The following SLC4A4 variants were observed in gnomAD, a reference collection of about 807,000 sequenced individuals.
SLC4A4 encodes electrogenic sodium bicarbonate cotransporter 1.
A neutral mutation model predicts 111.5 loss-of-function variants in SLC4A4; 27 were observed. The ratio of observed to expected loss-of-function variants is 0.24; its 90% CI spans 0.18 to 0.33. The LOEUF (loss-of-function observed/expected upper bound fraction) is 0.33. Among genes scored for constraint, SLC4A4 ranks in the 10% least tolerant of loss-of-function variants. SLC4A4 has a pLI of 1.00. For synonymous variants in SLC4A4, 443 were observed against 463.4 expected (o/e 0.96, Z 0.57); for missense variants, 909 against 1,315.5 (o/e 0.69, Z 4.78).
intron 3 of SLC4A4, among the ~76,000 whole-genome samples, chr4:71,332,602 G>A (rs960779885): frequency 1.3e-5 from 2 of 151,956 alleles, no homozygotes; most frequent in African/African-American, 2.4e-5. Context: ...CCGCCACTGC[G>A]CCCGGCTAAT....
intron 12 of SLC4A4, among the ~76,000 whole-genome samples, chr4:71,465,523 T>C (rs1186932873): frequency 1.3e-5 from 2 of 150,424 alleles, no homozygotes; most frequent in African/African-American, 4.9e-5. Flanking sequence ...ATTATTTTAA[T>C]GGCAAAAACC....
At chr4:71,460,651 G>C (rs1726734973) in intron 12 of SLC4A4, among the ~76,000 whole-genome samples, 1 of 151,986 alleles carries the variant, frequency 6.6e-6, no homozygotes, top group Non-Finnish European at 1.5e-5. Context: ...GCTACACAGG[G>C]GAAATAAAAA....
intron 2 of SLC4A4, among the ~76,000 whole-genome samples, chr4:71,239,591 A>C (rs373030725): frequency 7.9e-5 from 12 of 152,168 alleles, no homozygotes; most frequent in South Asian, 6.2e-4. Flanking sequence ...AAAACCATCA[A>C]CTGCAAAACT....
Position 71,546,384 on chromosome 4 carries a change from T to A in SLC4A4, c.2477T>A (p.Val826Glu). 1 of 1,612,900 alleles carries A rather than the reference T, an allele frequency of 6.2e-7. No homozygotes were observed. The highest frequency in any genetic ancestry group is 8.5e-7 in the Non-Finnish European group (1 of 1,179,134). The change falls in exon 19 of 26, where the codon GTG (valine) becomes GAG (glutamate). Residue 826 changes from valine (V) to glutamate (E), a missense_variant. Around this residue, in one of 7 missense-constraint regions of SLC4A4, gnomAD observed 264 missense variants for 356.8 expected, o/e 0.74. Coordinates refer to ENST00000264485, the MANE Select transcript of SLC4A4 (RefSeq NM_001098484.3). ...GAGYHLDLFW[V>E]AILMVICSLM... Reference sequence around the variant, plus strand: ...GGGTATCACTTGGATCTCTTTTGGGTGGCCATCCTCATGGTTATATGCTCC... The same window carrying A: ...GGGTATCACTTGGATCTCTTTTGGGAGGCCATCCTCATGGTTATATGCTCC...
At chr4:71,213,419 G>A (rs1439396868) in intron 1 of SLC4A4, among the ~76,000 whole-genome samples, 2 of 152,176 alleles carry the variant, frequency 1.3e-5, no homozygotes, top group African/African-American at 4.8e-5. Context: ...AGAAAGCTCT[G>A]CTTTCAGGCT....
rs1737749263 is a variant in SLC4A4, at chr4:71,569,217, G to A, written c.*1466G>A. On this transcript the variant is annotated 3_prime_UTR_variant, in exon 26 of 26. Transcript: ENST00000264485. ...GAAGTCTGTCCATATGAAAATGAGG[G>A]TAAATATAGTTTATTTCCCAGGTAT... 4 of 151,426 alleles carry A rather than the reference G, an allele frequency of 2.6e-5. No individual in the cohort carries two copies. Among genetic ancestry groups the A allele is most frequent in the Admixed American group, 2.0e-4 (3 of 15,142 alleles). The allele number at this position is 151,426 out of a possible 1,614,324, so 9.4% of individuals were successfully genotyped here.
intron 3 of SLC4A4, among the ~76,000 whole-genome samples, chr4:71,314,640 C>T (rs2148859352): frequency 6.6e-6 from 1 of 152,192 alleles, no homozygotes; most frequent in Middle Eastern, 3.4e-3. Flanking sequence ...AGCTGGAAAC[C>T]ATCATCCTCA....
At chr4:71,176,407 T>C (rs1383435862) in intron 2 of SLC4A4, among the ~76,000 whole-genome samples, 1 of 152,052 alleles carries the variant, frequency 6.6e-6, no homozygotes, top group Admixed American at 6.6e-5. Flanking sequence ...TTCGAACACA[T>C]GGCAAAGAAG....
intron 14 of SLC4A4, among the ~76,000 whole-genome samples, chr4:71,479,868 A>G (rs1728711421): frequency 6.6e-6 from 1 of 151,872 alleles, no homozygotes; most frequent in African/African-American, 2.4e-5. Flanking sequence ...TGGGATTGTC[A>G]TCAGACCTGG....
intron 6 of SLC4A4, among the ~76,000 whole-genome samples, chr4:71,371,443 C>T (rs923297378): frequency 3.9e-5 from 6 of 151,902 alleles, no homozygotes; most frequent in Non-Finnish European, 8.8e-5. Flanking sequence ...GGGTTTTCGC[C>T]ATGTTGGCCA....
chr4:71,131,163 G>A (rs6850566), intron 2 of SLC4A4, among the ~76,000 whole-genome samples: 150,019 of 152,332 alleles, frequency 0.98, 73,917 homozygotes, highest in Non-Finnish European at 1. Flanking sequence ...GTGGGGATCT[G>A]TCTGTCCATC....
chr4:71,298,872 T>C (rs1725005856), intron 3 of SLC4A4, among the ~76,000 whole-genome samples: 1 of 152,216 alleles, frequency 6.6e-6, no homozygotes, highest in Admixed American at 6.5e-5. Context: ...TGGCTCTATC[T>C]TCAGTTTATG....
chr4:71,161,454 G>T (rs1467471855), intron 2 of SLC4A4, among the ~76,000 whole-genome samples: 1 of 152,108 alleles, frequency 6.6e-6, no homozygotes, highest in Admixed American at 6.5e-5. Flanking sequence ...TAGAGTTGAT[G>T]GTTCACTAGA....
chr4:71,292,701 T>C (rs1724446011), intron 3 of SLC4A4, among the ~76,000 whole-genome samples: 1 of 152,014 alleles, frequency 6.6e-6, no homozygotes, highest in African/African-American at 2.4e-5. Context: ...ATATAGGATG[T>C]ATATTGAATT....
At chr4:71,133,446 A>G (rs543481708) in intron 2 of SLC4A4, among the ~76,000 whole-genome samples, 39 of 152,122 alleles carry the variant, frequency 2.6e-4, no homozygotes, top group Non-Finnish European at 4.3e-4. Context: ...GCAAATTGGA[A>G]CTCAGCTGCG....
At chr4:71,536,602 T>C (rs1027104646) in intron 18 of SLC4A4, among the ~76,000 whole-genome samples, 5 of 150,380 alleles carry the variant, frequency 3.3e-5, no homozygotes, top group African/African-American at 1.2e-4. Context: ...GTTCAAGTGA[T>C]TCTCCTGCCT....
chr4:71,529,022 G>C (rs1228467232), intron 16 of SLC4A4, among the ~76,000 whole-genome samples: 1 of 151,924 alleles, frequency 6.6e-6, no homozygotes, highest in East Asian at 1.9e-4. Context: ...AAAGAAGATA[G>C]AATTATGGTT....
intron 16 of SLC4A4, among the ~76,000 whole-genome samples, chr4:71,504,096 T>C (rs1731175364): frequency 6.6e-6 from 1 of 152,198 alleles, no homozygotes; most frequent in Non-Finnish European, 1.5e-5. Context: ...TCTCTTTGTC[T>C]TTAGCTTTTG....
At chr4:71,068,062 G>GTTT (rs34542882) in intron 1 of SLC4A4, among the ~76,000 whole-genome samples, 2 of 136,310 alleles carry the variant, frequency 1.5e-5, no homozygotes, top group South Asian at 2.2e-4. Context: ...TTGAACAAAC[G>GTTT]TTTTTTTTTT....
Sources: allele counts gnomAD v4.1 joint callset (sites outside exome capture counted in the v4.1 genomes callset), GRCh38; gene constraint gnomAD v4.1.1; regional missense constraint gnomAD v4.1.1; transcripts MANE v1.5; gene names NCBI Gene and HGNC (gene_info 2026-07-23, HGNC 2026-07-21).